The following ZNF423 variants were observed in gnomAD, a reference collection of about 807,000 sequenced individuals.
The protein encoded by ZNF423 is zinc finger protein 423, also known as Ebf-associated zinc finger protein.
ZNF423 carries 12 observed loss-of-function variants against 95.8 expected under a neutral mutation model. That is an observed-to-expected ratio of 0.13 (90% CI 0.08 to 0.20). ZNF423 has a LOEUF of 0.20. Among genes scored for constraint, ZNF423 ranks in the 10% least tolerant of loss-of-function variants. The pLI, the probability that ZNF423 is intolerant of heterozygous loss-of-function variation, is 1.00. For missense variants in ZNF423, 1,316 were observed against 1,737.1 expected (o/e 0.76, Z 4.31); for synonymous variants, 749 against 711.9 (o/e 1.05, Z -0.83).
intron 5 of ZNF423, among the ~76,000 whole-genome samples, chr16:49,563,596 C>T (rs1970087314): frequency 6.6e-6 from 1 of 152,230 alleles, no homozygotes; most frequent in African/African-American, 2.4e-5. Flanking sequence ...TGTCCAAAGT[C>T]ATAGAGCCAG....
At chr16:49,769,513 C>T (rs913302448) in intron 2 of ZNF423, among the ~76,000 whole-genome samples, 1 of 152,044 alleles carries the variant, frequency 6.6e-6, no homozygotes, top group Admixed American at 6.5e-5. Context: ...CCATCTCTTC[C>T]CCACACACAA....
At chr16:49,502,852 C>T (rs1474706472) in intron 7 of ZNF423, among the ~76,000 whole-genome samples, 4 of 141,514 alleles carry the variant, frequency 2.8e-5, no homozygotes, top group South Asian at 2.3e-4. Context: ...TCCCCACACA[C>T]GGATACCCCC....
chr16:49,633,300 G>A (rs939307014), intron 4 of ZNF423, among the ~76,000 whole-genome samples: 4 of 152,192 alleles, frequency 2.6e-5, no homozygotes, highest in Non-Finnish European at 5.9e-5. Context: ...AAAAATATCA[G>A]CGACATTTAC....
intron 3 of ZNF423, among the ~76,000 whole-genome samples, chr16:49,684,855 G>A (rs1021176628): frequency 6.6e-6 from 1 of 152,178 alleles, no homozygotes; most frequent in Admixed American, 6.5e-5. Flanking sequence ...CCTGACACGC[G>A]GCCAGCTGGA....
chr16:49,525,018 G>C (rs899530847), intron 6 of ZNF423, among the ~76,000 whole-genome samples: 1 of 152,210 alleles, frequency 6.6e-6, no homozygotes, highest in Non-Finnish European at 1.5e-5. Context: ...CTCAAGGCTC[G>C]GGGAGACAAA....
intron 3 of ZNF423, among the ~76,000 whole-genome samples, chr16:49,683,645 A>AG (rs2031453637): frequency 6.6e-6 from 1 of 152,214 alleles, no homozygotes; most frequent in South Asian, 2.1e-4. Flanking sequence ...CGGGAGGAAG[A>AG]GGGGCCCCCT....
At chr16:49,520,956 G>A (rs1047069039) in intron 7 of ZNF423, among the ~76,000 whole-genome samples, 2 of 152,226 alleles carry the variant, frequency 1.3e-5, no homozygotes, top group African/African-American at 2.4e-5. Flanking sequence ...CGTTAAGGCT[G>A]TAATTTAGCG....
At chr16:49,687,486 T>C (rs1228029797) in intron 3 of ZNF423, among the ~76,000 whole-genome samples, 1 of 152,096 alleles carries the variant, frequency 6.6e-6, no homozygotes, top group Non-Finnish European at 1.5e-5. Context: ...AAATAAGATG[T>C]GAAAGATGCA....
rs112467727 is a variant in ZNF423 at position 49,727,813 on chromosome 16, T to C, written c.301+2958A>G. 7.7e-3 allele frequency among the ~76,000 whole-genome samples: 1,169 copies of C among 152,326 alleles called. 21 individuals carry two copies. The highest frequency in any genetic ancestry group is 0.027 in the African/African-American group (1,113 of 41,584). On this transcript the variant is annotated intron_variant, in intron 3 of 7. Coordinates refer to ENST00000563137, the MANE Select transcript of ZNF423 (RefSeq NM_001379286.1). ...CAGAAACATCTGCAGGGCACCATGG[T>C]CTGCCCAGCCTGCGCCCAGCGCGGC...
intron 3 of ZNF423, among the ~76,000 whole-genome samples, chr16:49,704,524 C>T (rs1421126578): frequency 6.6e-6 from 1 of 152,226 alleles, no homozygotes; most frequent in South Asian, 2.1e-4. Context: ...GCTGTACCCT[C>T]ACCCCCAAGA....
chr16:49,827,718 A>G (rs2144045798), intron 1 of ZNF423, among the ~76,000 whole-genome samples: 1 of 152,202 alleles, frequency 6.6e-6, no homozygotes, highest in South Asian at 2.1e-4. Flanking sequence ...AATAGGGTCT[A>G]TGTTGCCTGG....
chr16:49,762,657 G>A (rs1309096626), intron 2 of ZNF423, among the ~76,000 whole-genome samples: 1 of 152,154 alleles, frequency 6.6e-6, no homozygotes, highest in East Asian at 1.9e-4. Context: ...GGGAGGACTG[G>A]AGGGCTGGCA....
intron 7 of ZNF423, among the ~76,000 whole-genome samples, chr16:49,499,271 G>A (rs570839632): frequency 2.6e-5 from 4 of 152,328 alleles, no homozygotes; most frequent in Non-Finnish European, 4.4e-5. Context: ...AGGTTTTCCC[G>A]TCCCTGCCTG....
chr16:49,736,437 T>C (rs2033287731), intron 2 of ZNF423, among the ~76,000 whole-genome samples: 1 of 152,090 alleles, frequency 6.6e-6, no homozygotes, highest in South Asian at 2.1e-4. Context: ...AGATATGGAC[T>C]TGGGGGACAT....
chr16:49,574,549 C>A (rs138207042), intron 5 of ZNF423, among the ~76,000 whole-genome samples: 225 of 152,348 alleles, frequency 1.5e-3, no homozygotes, highest in African/African-American at 5.0e-3. Context: ...GTGACCCCTG[C>A]TCTGAGAGTC....
At chr16:49,838,124 G>T (rs950474790) in intron 1 of ZNF423, among the ~76,000 whole-genome samples, 1 of 152,232 alleles carries the variant, frequency 6.6e-6, no homozygotes, top group Non-Finnish European at 1.5e-5. Flanking sequence ...CCAGAATCAT[G>T]ACTCAAATCT....
At chr16:49,686,398 G>A (rs962638110) in intron 3 of ZNF423, among the ~76,000 whole-genome samples, 16 of 152,256 alleles carry the variant, frequency 1.1e-4, no homozygotes, top group South Asian at 4.2e-4. Context: ...GGACCACACC[G>A]TCATGAATAC....
chr16:49,757,308 C>T (rs764830659), intron 2 of ZNF423, among the ~76,000 whole-genome samples: 13 of 152,154 alleles, frequency 8.5e-5, no homozygotes, highest in Non-Finnish European at 1.8e-4. Context: ...CTGGCTACAC[C>T]GACATCTCCT....
At chr16:49,781,813 C>A (rs2034217974) in intron 2 of ZNF423, among the ~76,000 whole-genome samples, 1 of 152,154 alleles carries the variant, frequency 6.6e-6, no homozygotes, top group Admixed American at 6.5e-5. Flanking sequence ...CAGAACCAGG[C>A]TAAAAGAAAA....
Sources: allele counts gnomAD v4.1 joint callset (sites outside exome capture counted in the v4.1 genomes callset), GRCh38; gene constraint gnomAD v4.1.1; transcripts MANE v1.5; gene names NCBI Gene and HGNC (gene_info 2026-07-23, HGNC 2026-07-21).